Variants in RANBP2 observed in about 807,000 individuals in gnomAD.
The protein encoded by RANBP2 is RAN binding protein 2.
Under a neutral mutation model 303.6 loss-of-function variants are expected in RANBP2, and 57 were observed. That is an observed-to-expected ratio of 0.19 (90% CI 0.15 to 0.23). The LOEUF (loss-of-function observed/expected upper bound fraction) is 0.23, where lower values mean the gene tolerates loss of function less well. RANBP2 is among the 10% of genes least tolerant of loss of function. RANBP2 has a pLI of 1.00. For synonymous variants in RANBP2, 1,167 were observed against 1,301.5 expected (o/e 0.90, Z 2.23); for missense variants, 3,138 against 3,780.8 (o/e 0.83, Z 4.46).
chr2:109,103,490 G>T, the RANBP2 span, among the ~76,000 whole-genome samples: 1 of 152,324 alleles, frequency 6.6e-6, no homozygotes, highest in Non-Finnish European at 1.5e-5. Context: ...GGCGGGTGGG[G>T]TGGGGGCTCA....
the RANBP2 span, among the ~76,000 whole-genome samples, chr2:108,905,010 G>A: frequency 6.6e-6 from 1 of 152,098 alleles, no homozygotes; most frequent in Admixed American, 6.5e-5. Flanking sequence ...ACCACTGCAT[G>A]GTAAGAAGTA....
At chr2:109,452,871 G>T in the RANBP2 span, among the ~76,000 whole-genome samples, 2 of 147,706 alleles carry the variant, frequency 1.4e-5, no homozygotes, top group African/African-American at 5.0e-5. Flanking sequence ...CGGGAGGCTG[G>T]TGCCAGGAGG....
chr2:109,293,506 AG>A, the RANBP2 span, among the ~76,000 whole-genome samples: 8 of 152,200 alleles, frequency 5.3e-5, no homozygotes, highest in South Asian at 1.7e-3. Context: ...GTGGTGGGTC[AG>A]CCCCCATGTC....
the RANBP2 span, among the ~76,000 whole-genome samples, chr2:109,451,616 GTC>G: frequency 6.6e-6 from 1 of 152,246 alleles, no homozygotes; most frequent in African/African-American, 2.4e-5. Flanking sequence ...CACCAGCTGA[GTC>G]TGTTCCTAGC....
At chr2:109,295,612 A>G in the RANBP2 span, among the ~76,000 whole-genome samples, 1 of 152,202 alleles carries the variant, frequency 6.6e-6, no homozygotes, top group South Asian at 2.1e-4. Flanking sequence ...AGCCACCTGC[A>G]AGTGCCCAGG....
the RANBP2 span, among the ~76,000 whole-genome samples, chr2:109,432,152 G>A: frequency 6.6e-6 from 1 of 152,186 alleles, no homozygotes; most frequent in Non-Finnish European, 1.5e-5. Flanking sequence ...CAAAGAGCTG[G>A]CCCTGGGATG....
the RANBP2 span, among the ~76,000 whole-genome samples, chr2:108,986,995 G>A: frequency 6.6e-6 from 1 of 152,200 alleles, no homozygotes; most frequent in African/African-American, 2.4e-5. Context: ...GGAACGAGCA[G>A]GCAGGTGTCA....
chr2:109,527,777 G>A, the RANBP2 span, among the ~76,000 whole-genome samples: 1 of 152,202 alleles, frequency 6.6e-6, no homozygotes, highest in Non-Finnish European at 1.5e-5. Flanking sequence ...TGGCTGACAG[G>A]TCGCCAATCT....
the RANBP2 span, among the ~76,000 whole-genome samples, chr2:109,446,607 C>T: frequency 1.4e-3 from 208 of 152,226 alleles, no homozygotes; most frequent in African/African-American, 4.9e-3. Flanking sequence ...GAGGGTCCCA[C>T]CTTGCAGCTA....
At chr2:109,203,363 T>C in the RANBP2 span, among the ~76,000 whole-genome samples, 3 of 152,316 alleles carry the variant, frequency 2.0e-5, no homozygotes, top group African/African-American at 7.2e-5. Flanking sequence ...TATGCTGCCC[T>C]GTTGTGAGAC....
chr2:108,766,568 A>G lies in RANBP2; in HGVS notation c.6029A>G (p.Asp2010Gly). ...GCCTATAAGACTGAGGACAGCGATG[A>G]CATCCATTTTGAACCAGTAGTTCAA... ...DDAYKTEDSD[D>G]IHFEPVVQMP... Residue 2010 changes from aspartate to glycine, a missense_variant, in exon 20 of 29, where the codon GAC (aspartate) becomes GGC (glycine). Physicochemically the swap from Asp to Gly is moderately conservative, Grantham distance 94. This residue lies in a region of RANBP2 where 348 missense variants were observed against 360.4 expected (regional missense o/e 0.97). Transcript: ENST00000283195. 1 of 1,612,032 alleles carries G rather than the reference A, an allele frequency of 6.2e-7. No homozygotes were observed. Among genetic ancestry groups the G allele is most frequent in the Non-Finnish European group, 8.5e-7 (1 of 1,179,852 alleles).
chr2:109,521,250 T>C, the RANBP2 span, among the ~76,000 whole-genome samples: 1 of 148,468 alleles, frequency 6.7e-6, no homozygotes, highest in Admixed American at 6.7e-5. Context: ...ATGTTGAAAA[T>C]GCTGAAGAGA....
At chr2:109,491,312 A>G in the RANBP2 span, among the ~76,000 whole-genome samples, 1 of 152,126 alleles carries the variant, frequency 6.6e-6, no homozygotes, top group Admixed American at 6.5e-5. Flanking sequence ...CAGTGGGCCT[A>G]TGTGTCCCAC....
the RANBP2 span, among the ~76,000 whole-genome samples, chr2:109,547,429 A>G: frequency 6.9e-6 from 1 of 144,532 alleles, no homozygotes; most frequent in African/African-American, 2.6e-5. Flanking sequence ...AAGAACCTAT[A>G]GGGGTTATTC....
chr2:109,437,379 C>T, the RANBP2 span, among the ~76,000 whole-genome samples: 1 of 150,146 alleles, frequency 6.7e-6, no homozygotes, highest in African/African-American at 2.5e-5. Flanking sequence ...TCTTGTCATG[C>T]TCGTGAACGT....
the RANBP2 span, among the ~76,000 whole-genome samples, chr2:109,180,614 C>G: frequency 6.6e-6 from 1 of 152,158 alleles, no homozygotes; most frequent in Non-Finnish European, 1.5e-5. Flanking sequence ...ATAAGTCTCA[C>G]GAGATCTGAT....
the RANBP2 span, chr2:109,371,688 C>T: frequency 6.2e-7 from 1 of 1,612,396 alleles, no homozygotes; most frequent in Non-Finnish European, 8.5e-7. Flanking sequence ...GGAGGTAAGA[C>T]CGTGCCGCCC....
the RANBP2 span, among the ~76,000 whole-genome samples, chr2:109,532,994 G>A: frequency 6.6e-6 from 1 of 152,212 alleles, no homozygotes; most frequent in South Asian, 2.1e-4. Context: ...CAGTGAACAA[G>A]GCAGATAAGG....
In RANBP2 at chr2:108,763,688, A is replaced by T. The variant is rs768450419; in HGVS notation, c.3149A>T (p.Gln1050Leu). 7.3e-5 allele frequency: 118 copies of T among 1,614,016 alleles called. No individual in the cohort carries two copies. Among genetic ancestry groups the T allele is most frequent in the Non-Finnish European group, 9.5e-5 (112 of 1,180,002 alleles). The change falls in exon 20 of 29, where the codon CAG (glutamine) becomes CTG (leucine). Residue 1050 changes from glutamine to leucine, a missense_variant. By Grantham distance (113) the Gln-to-Leu change is moderately radical. This residue lies in a region of RANBP2 where 403 missense variants were observed against 376.7 expected (regional missense o/e 1.07). Coordinates refer to ENST00000283195, the MANE Select transcript of RANBP2 (RefSeq NM_006267.5). The stretch of plus-strand genomic sequence containing the variant: ...GGTGACTTCACGTTTTCCTCACCAC[A>T]GGTTGTGACACAGCCCCCTCCTGCA... The part of the protein sequence containing the change: ...NDGDFTFSSP[Q>L]VVTQPPPAAY...
Sources: allele counts gnomAD v4.1 joint callset (sites outside exome capture counted in the v4.1 genomes callset), GRCh38; gene constraint gnomAD v4.1.1; regional missense constraint gnomAD v4.1.1; transcripts MANE v1.5; gene names NCBI Gene and HGNC (gene_info 2026-07-23, HGNC 2026-07-21).